Variants in PLXNC1 observed in about 807,000 individuals in gnomAD.
PLXNC1 encodes plexin-C1.
Under a neutral mutation model 178.2 loss-of-function variants are expected in PLXNC1, and 75 were observed. The ratio of observed to expected loss-of-function variants is 0.42; its 90% CI spans 0.35 to 0.51. The LOEUF is 0.51. Among genes scored for constraint, PLXNC1 ranks in the 20% least tolerant of loss-of-function variants. PLXNC1 has a pLI of 0.02. For missense variants in PLXNC1, 1,503 were observed against 1,984.4 expected, an observed-to-expected ratio of 0.76 and a Z score of 4.61; for synonymous variants, 790 against 779.9, an observed-to-expected ratio of 1.01 and a Z score of -0.22.
Position 94,270,258 on chromosome 12 carries a change from C to T in PLXNC1, c.3597+5033C>T, listed in dbSNP as rs117942391. 2.0e-4 allele frequency among the ~76,000 whole-genome samples: 30 copies of T among 152,300 alleles called. No individual in the cohort carries two copies. In the East Asian group the frequency reaches 5.2e-3, roughly 26 times the overall value. On this transcript the variant is annotated intron_variant, in intron 21 of 30. Transcript: ENST00000258526. ...AACAGCCTGTGGGCCAAATGTGGCC[C>T]CTCTGCCTATTTTTATAAAGTTCTA...
intron 1 of PLXNC1, among the ~76,000 whole-genome samples, chr12:94,151,837 G>A (rs886206756): frequency 6.6e-6 from 1 of 152,186 alleles, no homozygotes; most frequent in Admixed American, 6.5e-5. Context: ...CATCTTGAAT[G>A]CACTCAAAAT....
At chr12:94,247,564 C>G (rs1964563669) in intron 12 of PLXNC1, among the ~76,000 whole-genome samples, 2 of 152,146 alleles carry the variant, frequency 1.3e-5, no homozygotes, top group East Asian at 3.8e-4. Context: ...CTTTCCCTAG[C>G]CTACTGCTTT....
intron 21 of PLXNC1, among the ~76,000 whole-genome samples, chr12:94,274,324 C>A (rs533683697): frequency 1.4e-4 from 21 of 152,096 alleles, no homozygotes; most frequent in Admixed American, 1.1e-3. Flanking sequence ...CAGAGTGAGA[C>A]CCTGTCTATT....
intron 27 of PLXNC1, 57 bp downstream of exon 27, chr12:94,298,852 AAAAG>A (rs56365949): frequency 0.064 from 94,948 of 1,482,262 alleles, 3,653 homozygotes; most frequent in Non-Finnish European, 0.076. Flanking sequence ...AATATTAACT[AAAAG>A]AAAGACATAG....
chr12:94,245,546 A>G (rs12829636), intron 12 of PLXNC1, among the ~76,000 whole-genome samples: 10,322 of 152,236 alleles, frequency 0.068, 620 homozygotes, highest in East Asian at 0.28. Flanking sequence ...AGTTGACAGC[A>G]CAGAGTATCA....
At chr12:94,171,326 T>C (rs55881272) in intron 2 of PLXNC1, among the ~76,000 whole-genome samples, 30,658 of 152,182 alleles carry the variant, frequency 0.2, 3,270 homozygotes, top group East Asian at 0.28. Flanking sequence ...CGTTGTTTTT[T>C]TCAAGGTTTG....
intron 22 of PLXNC1, among the ~76,000 whole-genome samples, chr12:94,281,537 C>G (rs1565855677): frequency 6.6e-6 from 1 of 152,030 alleles, no homozygotes; most frequent in Non-Finnish European, 1.5e-5. Context: ...GTTCGATTTT[C>G]TTTTTTTAAA....
chr12:94,279,534 TTCAG>T lies in PLXNC1; in HGVS notation c.3664_3667del (p.Val1222MetfsTer20), dbSNP rs759208451. 6.2e-7 allele frequency: 1 copy of T among 1,614,200 alleles called. No homozygotes were observed. Among genetic ancestry groups the T allele is most frequent in the Non-Finnish European group, 8.5e-7 (1 of 1,179,984 alleles). On this transcript the variant is annotated frameshift_variant, in exon 22 of 31. Coordinates refer to ENST00000258526, the MANE Select transcript of PLXNC1 (RefSeq NM_005761.3). LOFTEE classifies it high-confidence loss of function. ...AGAGTGCAGATGTCTGTCGGAATATTTCAGTCAATGTTCTCGACTGTGACACCAT... is the reference window on the plus strand; with the variant it reads ...AGAGTGCAGATGTCTGTCGGAATATTTCAATGTTCTCGACTGTGACACCAT...
Position 94,148,951 on chromosome 12 carries a change from G to C in PLXNC1, c.-21G>C, listed in dbSNP as rs551944500. On this transcript the variant is annotated 5_prime_UTR_variant, in exon 1 of 31. Transcript: ENST00000258526. This position sits in a 1 kb window ranked among gnomAD's most constrained non-coding sequence, Gnocchi z 4.8. Reference sequence around the variant, plus strand: ...GCCGTCGCCGCCGCGCGCCCTGCCCGGGGGCGGCCCCCCCAGCCCCATGGA... The same window carrying C: ...GCCGTCGCCGCCGCGCGCCCTGCCCCGGGGCGGCCCCCCCAGCCCCATGGA... The C allele has an allele frequency of 7.5e-5, 80 of 1,068,682 alleles. No homozygotes were observed. In the African/African-American group the frequency reaches 1.1e-3, roughly 15 times the overall value. The allele number at this position is 1,068,682 out of a possible 1,614,324, so 66.2% of individuals were successfully genotyped here.
In PLXNC1 at chr12:94,237,753, A is replaced by G. The variant is rs910161270; in HGVS notation, c.2070A>G (p.Ala690=). The G allele has an allele frequency of 1.2e-6, 2 of 1,613,974 alleles. No homozygotes were observed. The highest frequency in any genetic ancestry group is 2.7e-5 in the African/African-American group (2 of 74,932). Residue 690 remains alanine (A), a synonymous_variant, in exon 10 of 31, where the codon GCA becomes GCG. Transcript: ENST00000258526. ...TAACGGGAGCAAACTTTACCCGGGC[A>G]TCGAACATCACAATGATCCTGAAAG... The part of the protein sequence containing the change: ...VIVTGANFTR[A]SNITMILKGT...
intron 21 of PLXNC1, chr12:94,278,073 T>A (rs571742914): frequency 2.2e-6 from 1 of 455,908 alleles, no homozygotes. Flanking sequence ...TCCCTCTGTC[T>A]CTGTATGGGC....
In PLXNC1 at chr12:94,166,419, C is replaced by T. The variant is rs183672765; in HGVS notation, c.1063-2734C>T. ...GCTAGAAAGTGACAGAGCCAGGAGT[C>T]AAACTTAGGTGGTCTGGCTGGCTCT... is the stretch of plus-strand genomic sequence containing the variant. On this transcript the variant is annotated intron_variant, in intron 1 of 30. Transcript: ENST00000258526. 1.7e-3 allele frequency among the ~76,000 whole-genome samples: 266 copies of T among 152,226 alleles called. 2 individuals are homozygous for T. The highest frequency in any genetic ancestry group is 0.015 in the Admixed American group (230 of 15,294).
At chr12:94,270,588 AC>A (rs1965510853) in intron 21 of PLXNC1, among the ~76,000 whole-genome samples, 1 of 147,294 alleles carries the variant, frequency 6.8e-6, no homozygotes, top group Non-Finnish European at 1.5e-5. Context: ...CACAACACCC[AC>A]CCCCACCCCC....
chr12:94,256,334 A>G (rs1964838234), intron 17 of PLXNC1: 1 of 152,230 alleles, frequency 6.6e-6, no homozygotes, highest in Non-Finnish European at 1.5e-5. Context: ...ATGATATGTA[A>G]TGCGGGGTCT....
chr12:94,296,247 A>G (rs1967909172), intron 24 of PLXNC1, among the ~76,000 whole-genome samples: 1 of 152,036 alleles, frequency 6.6e-6, no homozygotes. Flanking sequence ...TGAAGCCTCA[A>G]CCTGCTGGGC....
At chr12:94,278,297 T>C (rs530993451) in intron 21 of PLXNC1, among the ~76,000 whole-genome samples, 9 of 152,398 alleles carry the variant, frequency 5.9e-5, no homozygotes, top group African/African-American at 2.2e-4. Context: ...TAAACTGCTA[T>C]GTTATGCTAT....
chr12:94,149,259 C>T lies in PLXNC1; in HGVS notation c.288C>T (p.Pro96=), dbSNP rs746779613. Residue 96 remains proline, a synonymous_variant, in exon 1 of 31, where the codon CCC becomes CCT. Transcript: ENST00000258526. ...NCTEPVSLAP[P]ARPRPGSSFS... ...CAGAGCCGGTCTCGCTGGCGCCCCC[C>T]GCGCGGCCCCGGCCCGGGAGCAGCT... 6 of 1,540,072 alleles carry T rather than the reference C, an allele frequency of 3.9e-6. No homozygotes were observed. The highest frequency in any genetic ancestry group is 2.6e-6 in the Non-Finnish European group (3 of 1,152,114).
intron 4 of PLXNC1, among the ~76,000 whole-genome samples, chr12:94,193,999 C>A (rs1243610107): frequency 6.6e-6 from 1 of 152,108 alleles, no homozygotes; most frequent in Non-Finnish European, 1.5e-5. Context: ...GGTTAGTTGG[C>A]TCATGGTTCT....
chr12:94,235,772 A>T (rs11107472), intron 9 of PLXNC1, among the ~76,000 whole-genome samples: 32,658 of 152,122 alleles, frequency 0.21, 3,724 homozygotes, highest in African/African-American at 0.26. Context: ...ATGTGTTTTT[A>T]TATGTCATGA....
Sources: allele counts gnomAD v4.1 joint callset (sites outside exome capture counted in the v4.1 genomes callset), GRCh38; gene constraint gnomAD v4.1.1; non-coding constraint Gnocchi (gnomAD v3.1); transcripts MANE v1.5; gene names NCBI Gene and HGNC (gene_info 2026-07-23, HGNC 2026-07-21).